The following CEP20 variants were observed in gnomAD, a reference collection of about 807,000 sequenced individuals.
CEP20 encodes centrosomal protein 20.
CEP20 carries 18 observed loss-of-function variants against 20.0 expected under a neutral mutation model. That is an observed-to-expected ratio of 0.90 (90% CI 0.62 to 1.34). CEP20 has a LOEUF of 1.34. CEP20 is among the 40% of genes most tolerant of loss of function. The pLI is 0.00. For missense variants in CEP20, 215 were observed against 201.6 expected (o/e 1.07, Z -0.40); for synonymous variants, 77 against 73.7 (o/e 1.04, Z -0.23).
chr16:15,867,955 A>G (rs1204941073), intron 4 of CEP20, among the ~76,000 whole-genome samples: 5 of 150,182 alleles, frequency 3.3e-5, no homozygotes. Context: ...CCTGGGCAAC[A>G]AGAGTGAAAC....
intron 3 of CEP20, among the ~76,000 whole-genome samples, chr16:15,879,265 TG>T (rs2045042215): frequency 6.9e-6 from 1 of 145,628 alleles, no homozygotes; most frequent in Non-Finnish European, 1.5e-5. Flanking sequence ...TTTTTGTTTT[TG>T]TTTTTGTTTT....
chr16:15,870,249 C>T (rs187323886), intron 4 of CEP20, among the ~76,000 whole-genome samples: 387 of 152,234 alleles, frequency 2.5e-3, no homozygotes, highest in Non-Finnish European at 4.6e-3. Context: ...ATTTCTCAAG[C>T]GGTTATTTTT....
chr16:15,873,696 C>A, intron 3 of CEP20, 69 bp from the exon 4 acceptor site: 1 of 1,471,840 alleles, frequency 6.8e-7, no homozygotes, highest in African/African-American at 1.4e-5. Flanking sequence ...AAGCTTAAAA[C>A]ATTTATTCTT....
intron 4 of CEP20, among the ~76,000 whole-genome samples, chr16:15,868,977 A>G (rs1231806363): frequency 6.6e-6 from 1 of 151,814 alleles, no homozygotes; most frequent in Non-Finnish European, 1.5e-5. Flanking sequence ...CTGAGGTGGG[A>G]GGATCACCTG....
Position 15,873,523 on chromosome 16 carries a change from A to G in CEP20, c.416T>C (p.Leu139Pro). 6.2e-7 allele frequency: 1 copy of G among 1,614,004 alleles called. No individual in the cohort carries two copies. Among genetic ancestry groups the G allele is most frequent in the Non-Finnish European group, 8.5e-7 (1 of 1,179,912 alleles). Residue 139 changes from leucine to proline, a missense_variant, in exon 4 of 5, where the codon CTT (leucine) becomes CCT (proline). Leu to Pro is a moderately conservative substitution (Grantham distance 98). Coordinates refer to ENST00000255759, the MANE Select transcript of CEP20 (RefSeq NM_144600.4). ...CTTTCTTCTACTAGGTTGTCTGCCA[A>G]GACTTGGGTCTGAAGGCTGAAGTGA... is the stretch of plus-strand genomic sequence containing the variant. ...GPSLQPSDPS[L>P]GRQPSRRKPM...
chr16:15,879,012 CTTTT>C (rs201473289), intron 3 of CEP20, among the ~76,000 whole-genome samples: 2 of 135,428 alleles, frequency 1.5e-5, no homozygotes, highest in Admixed American at 1.5e-4. Context: ...CTCCTATGTA[CTTTT>C]TTTTTTTTTT....
At chr16:15,879,728 A>T in intron 3 of CEP20, 76 bp downstream of exon 3, 1 of 817,660 alleles carries the variant, frequency 1.2e-6, no homozygotes, top group Non-Finnish European at 2.0e-6. Flanking sequence ...TACTTGAATT[A>T]AAATGAAGTA....
intron 4 of CEP20, 41 bp from the exon 5 acceptor site, chr16:15,867,557 C>A: frequency 7.4e-7 from 1 of 1,348,810 alleles, no homozygotes; most frequent in Non-Finnish European, 1.0e-6. Flanking sequence ...TATCCCAAGT[C>A]AAAACACACA....
chr16:15,869,129 AG>A (rs979981357), intron 4 of CEP20, among the ~76,000 whole-genome samples: 3 of 151,932 alleles, frequency 2.0e-5, no homozygotes, highest in African/African-American at 7.3e-5. Flanking sequence ...AAAGTTGAAT[AG>A]CAAAAACTAC....
At chr16:15,869,428 G>T (rs1457881950) in intron 4 of CEP20, among the ~76,000 whole-genome samples, 1 of 150,750 alleles carries the variant, frequency 6.6e-6, no homozygotes, top group East Asian at 2.0e-4. Context: ...TTCCTGCCTC[G>T]GCCTCCCGAG....
At chr16:15,872,569 G>A (rs1289199964) in intron 4 of CEP20, among the ~76,000 whole-genome samples, 4 of 152,038 alleles carry the variant, frequency 2.6e-5, no homozygotes, top group African/African-American at 7.2e-5. Flanking sequence ...TTAGCTGGGT[G>A]TGGTGCCTGA....
At position 15,873,567 on chromosome 16, in the gene CEP20, A is replaced by C. The variant is rs748171824; in HGVS notation, c.372T>G (p.Asn124Lys). ...FLRGTKDGIQNAFLKGPSLQP... is the reference protein window; with the variant it reads ...FLRGTKDGIQKAFLKGPSLQP... ...GAAGTGAAGGCCCTTTCAGAAATGC[A>C]TTCTGGATGCCATCCTTAGTTCCAC... The change falls in exon 4 of 5, where the codon AAT (asparagine) becomes AAG (lysine). Residue 124 changes from asparagine (N) to lysine (K), a missense_variant. Physicochemically the swap from Asn to Lys is moderately conservative, Grantham distance 94. Coordinates refer to ENST00000255759, the MANE Select transcript of CEP20 (RefSeq NM_144600.4). 6.2e-7 allele frequency: 1 copy of C among 1,614,108 alleles called. No homozygotes were observed. Among genetic ancestry groups the C allele is most frequent in the Non-Finnish European group, 8.5e-7 (1 of 1,179,962 alleles).
At chr16:15,875,858 G>A (rs1262720805) in intron 3 of CEP20, among the ~76,000 whole-genome samples, 1 of 152,134 alleles carries the variant, frequency 6.6e-6, no homozygotes, top group Non-Finnish European at 1.5e-5. Flanking sequence ...CAGCACTTTG[G>A]GAGGCCAAGG....
At chr16:15,887,004 T>C (rs2045262328) in intron 1 of CEP20, among the ~76,000 whole-genome samples, 1 of 151,890 alleles carries the variant, frequency 6.6e-6, no homozygotes, top group Non-Finnish European at 1.5e-5. Flanking sequence ...GCTCAAGCTA[T>C]CTTCCTGTTT....
At chr16:15,881,927 T>C (rs2045106688) in intron 2 of CEP20, among the ~76,000 whole-genome samples, 1 of 152,178 alleles carries the variant, frequency 6.6e-6, no homozygotes, top group South Asian at 2.1e-4. Context: ...AGTTTCCCGC[T>C]GCTAGAGTCT....
At chr16:15,885,543 A>ACAC (rs2045221749) in intron 1 of CEP20, 1 of 152,006 alleles carries the variant, frequency 6.6e-6, no homozygotes, top group Admixed American at 6.6e-5. Context: ...CAGGTGTGCG[A>ACAC]TACCACGACT....
chr16:15,888,406 A>G (rs966118647), intron 1 of CEP20, 152 bp downstream of exon 1: 4 of 1,061,086 alleles, frequency 3.8e-6, no homozygotes, highest in Non-Finnish European at 5.5e-6. Flanking sequence ...GGGCCAAGAC[A>G]GCAGCCAGAC....
intron 1 of CEP20, among the ~76,000 whole-genome samples, chr16:15,884,586 C>CT: frequency 6.6e-6 from 1 of 152,334 alleles, no homozygotes; most frequent in Non-Finnish European, 1.5e-5. Context: ...ACTGCAACCT[C>CT]TGCCTCCCAG....
chr16:15,869,916 T>C (rs1758819162), intron 4 of CEP20, among the ~76,000 whole-genome samples: 1 of 152,160 alleles, frequency 6.6e-6, no homozygotes, highest in South Asian at 2.1e-4. Context: ...TCACTGTTCT[T>C]CCCCGATTCA....
Sources: gnomAD v4.1 joint callset for allele counts (sites outside exome capture counted in the v4.1 genomes callset) on GRCh38, gnomAD v4.1.1 for gene constraint, MANE v1.5 for transcripts, NCBI Gene and HGNC (gene_info 2026-07-23, HGNC 2026-07-21) for gene names.